Variants in NCKAP5 observed in about 807,000 individuals in gnomAD.
NCKAP5 encodes nck-associated protein 5.
A neutral mutation model predicts 167.0 loss-of-function variants in NCKAP5; 92 were observed. That is an observed-to-expected ratio of 0.55 (90% CI 0.47 to 0.66). The LOEUF (loss-of-function observed/expected upper bound fraction) is 0.66. NCKAP5 is among the 30% of genes least tolerant of loss of function. NCKAP5 has a pLI of 0.00. For missense variants in NCKAP5, 2,378 were observed against 2,315.0 expected (o/e 1.03, Z -0.56); for synonymous variants, 891 against 877.4 (o/e 1.02, Z -0.27).
chr2:133,006,919 T>C (rs2077988951), intron 6 of NCKAP5, among the ~76,000 whole-genome samples: 1 of 152,228 alleles, frequency 6.6e-6, no homozygotes, highest in Non-Finnish European at 1.5e-5. Flanking sequence ...CATTCTTCAC[T>C]GGGCCTGCTA....
intron 3 of NCKAP5, among the ~76,000 whole-genome samples, chr2:133,352,223 C>A (rs1288910655): frequency 6.6e-6 from 1 of 152,178 alleles, no homozygotes; most frequent in Non-Finnish European, 1.5e-5. Flanking sequence ...ACTTTCATTA[C>A]CTTCTATACA....
At chr2:133,588,953 G>A in the NCKAP5 span, among the ~76,000 whole-genome samples, 3 of 152,170 alleles carry the variant, frequency 2.0e-5, no homozygotes, top group Non-Finnish European at 4.4e-5. Context: ...GAATGATGGA[G>A]CGGCAGGGAG....
chr2:133,289,247 G>A (rs1446802080), intron 4 of NCKAP5, among the ~76,000 whole-genome samples: 1 of 152,134 alleles, frequency 6.6e-6, no homozygotes, highest in Non-Finnish European at 1.5e-5. Flanking sequence ...TTACTATCAA[G>A]CTATTTAAAG....
At chr2:132,836,759 A>T (rs1687917254) in intron 11 of NCKAP5, among the ~76,000 whole-genome samples, 1 of 151,864 alleles carries the variant, frequency 6.6e-6, no homozygotes, top group Non-Finnish European at 1.5e-5. Flanking sequence ...TATAAAGCTT[A>T]TTTTCCACCC....
intron 6 of NCKAP5, among the ~76,000 whole-genome samples, chr2:133,022,317 A>T (rs781405360): frequency 3.4e-4 from 52 of 152,222 alleles, no homozygotes; most frequent in Non-Finnish European, 6.5e-4. Flanking sequence ...TCATTAGTAG[A>T]AGTATTTGTA....
intron 6 of NCKAP5, among the ~76,000 whole-genome samples, chr2:133,013,833 G>T (rs2078245366): frequency 6.6e-6 from 1 of 152,084 alleles, no homozygotes. Context: ...TGTCTTCACA[G>T]GTCTCTATTT....
chr2:132,898,309 A>C (rs1286574744), intron 8 of NCKAP5, among the ~76,000 whole-genome samples: 1 of 151,814 alleles, frequency 6.6e-6, no homozygotes, highest in African/African-American at 2.4e-5. Context: ...TCTAATTCTA[A>C]CTCTCTTGCC....
At chr2:132,917,884 C>T (rs1335255066) in intron 8 of NCKAP5, among the ~76,000 whole-genome samples, 2 of 152,180 alleles carry the variant, frequency 1.3e-5, no homozygotes, top group African/African-American at 4.8e-5. Flanking sequence ...GGATCCTCCT[C>T]CTCCTCTGCA....
intron 3 of NCKAP5, among the ~76,000 whole-genome samples, chr2:133,461,963 G>A (rs191285013): frequency 2.0e-5 from 3 of 152,204 alleles, no homozygotes; most frequent in Non-Finnish European, 4.4e-5. Context: ...TATGTTTGAG[G>A]ATTTTTGACC....
intron 3 of NCKAP5, among the ~76,000 whole-genome samples, chr2:133,338,750 G>A (rs1194413185): frequency 1.3e-5 from 2 of 152,200 alleles, no homozygotes; most frequent in Non-Finnish European, 1.5e-5. Context: ...GCTGACGCCT[G>A]TAATCCTAGC....
chr2:133,287,536 A>G (rs1350350645), intron 4 of NCKAP5, among the ~76,000 whole-genome samples: 1 of 152,202 alleles, frequency 6.6e-6, no homozygotes, highest in Admixed American at 6.5e-5. Context: ...TGTTCAAGAA[A>G]ATCGATCAAT....
chr2:132,795,810 C>T (rs1171946896), intron 12 of NCKAP5, among the ~76,000 whole-genome samples: 2 of 127,420 alleles, frequency 1.6e-5, no homozygotes, highest in Admixed American at 1.8e-4. Context: ...CAGGATGAGA[C>T]CCCGTATCAG....
intron 3 of NCKAP5, among the ~76,000 whole-genome samples, chr2:133,338,568 G>A (rs1440163822): frequency 6.6e-6 from 1 of 152,162 alleles, no homozygotes; most frequent in African/African-American, 2.4e-5. Flanking sequence ...TACATAAGAA[G>A]ACAGGCATAG....
intron 15 of NCKAP5, among the ~76,000 whole-genome samples, chr2:132,775,610 G>A (rs1682481406): frequency 6.6e-6 from 1 of 152,216 alleles, no homozygotes; most frequent in Non-Finnish European, 1.5e-5. Context: ...CATATTTACA[G>A]ATGGCAGGGA....
chr2:133,392,781 T>C (rs901932045), intron 3 of NCKAP5, among the ~76,000 whole-genome samples: 6 of 152,176 alleles, frequency 3.9e-5, no homozygotes, highest in Non-Finnish European at 7.3e-5. Flanking sequence ...GAAAGGCCCA[T>C]TACAGTCAAA....
chr2:133,270,357 G>C (rs1213856839), intron 4 of NCKAP5, among the ~76,000 whole-genome samples: 1 of 152,142 alleles, frequency 6.6e-6, no homozygotes, highest in African/African-American at 2.4e-5. Context: ...TTTTAAAAGG[G>C]AGAATATGGA....
chr2:133,547,574 A>T (rs1424214166), intron 2 of NCKAP5, among the ~76,000 whole-genome samples: 61 of 142,064 alleles, frequency 4.3e-4, no homozygotes, highest in South Asian at 6.7e-4. Flanking sequence ...CTGACCCCTG[A>T]CCCCCGAGCA....
rs764926966 is a variant in NCKAP5, at chr2:132,781,912, A to G, written c.4871+28T>C. ...AAAGGTGGTGGAGGGACCCCTCTACATTGCTACCTGCTTTTCCAGTGAGTT... is the reference window on the plus strand; with the variant it reads ...AAAGGTGGTGGAGGGACCCCTCTACGTTGCTACCTGCTTTTCCAGTGAGTT... On this transcript the variant is annotated intron_variant, in intron 14 of 19. Transcript: ENST00000409261. 3.2e-6 allele frequency: 5 copies of G among 1,587,218 alleles called. No homozygotes were observed. The African/African-American group carries it at 5.4e-5, about 17-fold the overall frequency.
At chr2:132,789,774 A>G (rs765188269) in intron 13 of NCKAP5, among the ~76,000 whole-genome samples, 3 of 152,210 alleles carry the variant, frequency 2.0e-5, no homozygotes, top group Admixed American at 6.5e-5. Context: ...CATGTATATA[A>G]GTAGAAATAT....
Sources: allele counts gnomAD v4.1 joint callset (sites outside exome capture counted in the v4.1 genomes callset), GRCh38; gene constraint gnomAD v4.1.1; transcripts MANE v1.5; gene names NCBI Gene and HGNC (gene_info 2026-07-23, HGNC 2026-07-21).